Variants in CCDC7 observed in about 807,000 individuals in gnomAD.
CCDC7 encodes coiled-coil domain-containing protein 7.
A neutral mutation model predicts 196.9 loss-of-function variants in CCDC7; 183 were observed. The ratio of observed to expected loss-of-function variants is 0.93; its 90% CI spans 0.82 to 1.05. The LOEUF is 1.05. Among genes scored for constraint, CCDC7 ranks in the 50% least tolerant of loss-of-function variants. The pLI is 0.00. For missense variants in CCDC7, 1,540 were observed against 1,482.2 expected (o/e 1.04, Z -0.64); for synonymous variants, 525 against 484.6 (o/e 1.08, Z -1.10).
intron 30 of CCDC7, among the ~76,000 whole-genome samples, chr10:32,809,609 C>T (rs2086629976): frequency 6.6e-6 from 1 of 152,094 alleles, no homozygotes; most frequent in Admixed American, 6.5e-5. Flanking sequence ...TTTATGCAGC[C>T]AACAGACACA....
At chr10:32,491,279 A>C (rs184966328) in intron 8 of CCDC7, among the ~76,000 whole-genome samples, 1 of 152,166 alleles carries the variant, frequency 6.6e-6, no homozygotes, top group Admixed American at 6.5e-5. Context: ...TGTCTTGTTT[A>C]TCTAGCAGAA....
chr10:32,584,192 A>C lies in CCDC7; in HGVS notation c.1729-40A>C. Reference sequence around the variant, plus strand: ...CCAGTCTTGATATATATATATATGTATATAATTTCTAATTACTTATTACAA... The same window carrying C: ...CCAGTCTTGATATATATATATATGTCTATAATTTCTAATTACTTATTACAA... On this transcript the variant is annotated intron_variant, in intron 17 of 41. Transcript: ENST00000639629. The C allele has an allele frequency of 3.6e-6, 4 of 1,101,834 alleles. No homozygotes were observed. The South Asian group carries it at 6.7e-5, about 19-fold the overall frequency. The allele number at this position is 1,101,834 out of a possible 1,614,324, so 68.3% of individuals were successfully genotyped here.
intron 28 of CCDC7, among the ~76,000 whole-genome samples, chr10:32,743,703 G>A (rs537231290): frequency 1.3e-5 from 2 of 151,866 alleles, no homozygotes; most frequent in African/African-American, 2.4e-5. Flanking sequence ...TGTTTATTGC[G>A]GCACTATTCA....
At chr10:32,876,039 A>G (rs1280416274) in intron 41 of CCDC7, among the ~76,000 whole-genome samples, 1 of 151,964 alleles carries the variant, frequency 6.6e-6, no homozygotes, top group Non-Finnish European at 1.5e-5. Flanking sequence ...TTAGGCCGCA[A>G]CCCCAGAACT....
chr10:32,736,282 T>C (rs2084853921), intron 28 of CCDC7, among the ~76,000 whole-genome samples: 1 of 151,946 alleles, frequency 6.6e-6, no homozygotes, highest in Non-Finnish European at 1.5e-5. Flanking sequence ...AGACTTCCTA[T>C]TCTTTAACAT....
chr10:32,447,638 AGGCGT>A (rs2031721018), upstream of CCDC7, among the ~76,000 whole-genome samples: 1 of 152,214 alleles, frequency 6.6e-6, no homozygotes, highest in Non-Finnish European at 1.5e-5. Context: ...ACAGTGGCTC[AGGCGT>A]GTAATCCCAG....
chr10:32,732,281 G>T (rs1424627265), intron 28 of CCDC7, among the ~76,000 whole-genome samples: 1 of 152,102 alleles, frequency 6.6e-6, no homozygotes, highest in Non-Finnish European at 1.5e-5. Context: ...AGAAAAGTGA[G>T]ACTTCAAAGT....
chr10:32,563,860 G>A (rs564033142), intron 13 of CCDC7, among the ~76,000 whole-genome samples: 8,023 of 151,730 alleles, frequency 0.053, 691 homozygotes, highest in African/African-American at 0.18. Context: ...AGAGTGAACA[G>A]GCAACCTACA....
At position 32,689,101 on chromosome 10, in the gene CCDC7, C is replaced by A; in HGVS notation, c.2282C>A (p.Ser761Ter). 6.2e-7 allele frequency: 1 copy of A among 1,608,586 alleles called. No homozygotes were observed. The highest frequency in any genetic ancestry group is 1.1e-5 in the South Asian group (1 of 90,304). Reference sequence around the variant, plus strand: ...AATCTTATACTTAGGCATCAAGACTCAATGTCAAAATCAGAAATGCAAGTG... The same window carrying A: ...AATCTTATACTTAGGCATCAAGACTAAATGTCAAAATCAGAAATGCAAGTG... Residue 761 changes from serine to a stop codon, truncating the protein, a stop_gained, in exon 23 of 42, where the codon TCA becomes TAA. Coordinates refer to ENST00000639629, the Ensembl canonical transcript of CCDC7. LOFTEE classifies it high-confidence loss of function.
chr10:32,785,766 T>C (rs1460695921), intron 29 of CCDC7, among the ~76,000 whole-genome samples: 1 of 152,136 alleles, frequency 6.6e-6, no homozygotes, highest in Non-Finnish European at 1.5e-5. Context: ...AGTGGCATAG[T>C]TCTAAATTTT....
At chr10:32,445,016 G>C (rs2030639085), upstream of CCDC7, among the ~76,000 whole-genome samples, 2 of 152,032 alleles carry the variant, frequency 1.3e-5, 1 homozygote, top group South Asian at 4.1e-4. Flanking sequence ...ATCACGCCCG[G>C]CTAATTTTTG....
At chr10:32,560,855 C>T (rs1057294025) in intron 13 of CCDC7, among the ~76,000 whole-genome samples, 5 of 152,206 alleles carry the variant, frequency 3.3e-5, no homozygotes, top group African/African-American at 1.2e-4. Flanking sequence ...CTAAATGCTC[C>T]AATTAAAAGA....
intron 9 of CCDC7, among the ~76,000 whole-genome samples, chr10:32,503,998 G>T (rs1028694731): frequency 6.6e-6 from 1 of 151,062 alleles, no homozygotes; most frequent in Non-Finnish European, 1.5e-5. Context: ...GGTTATTTGG[G>T]CCTTCTCTCT....
At chr10:32,855,204 G>GTT (rs34544892) in intron 41 of CCDC7, among the ~76,000 whole-genome samples, 2 of 146,640 alleles carry the variant, frequency 1.4e-5, no homozygotes. Context: ...AAAAATGTAA[G>GTT]TTTTTTTTTT....
chr10:32,545,627 A>C (rs1377480386), intron 13 of CCDC7, among the ~76,000 whole-genome samples: 1 of 152,172 alleles, frequency 6.6e-6, no homozygotes, highest in African/African-American at 2.4e-5. Context: ...ATGTCTGGGC[A>C]GGATGCGGTG....
intron 21 of CCDC7, among the ~76,000 whole-genome samples, chr10:32,674,043 CT>C (rs1400989177): frequency 1.3e-5 from 2 of 151,398 alleles, no homozygotes; most frequent in Admixed American, 1.3e-4. Flanking sequence ...TTTTCTTTAT[CT>C]TTTCAAAAAC....
Position 32,635,454 on chromosome 10 carries a change from TC to T in CCDC7, c.2014+298del, listed in dbSNP as rs2065476992. Among the ~76,000 whole-genome samples the T allele has an allele frequency of 2.0e-5, 3 of 152,294 alleles. No homozygotes were observed. The South Asian group carries it at 6.2e-4, about 32-fold the overall frequency. On this transcript the variant is annotated intron_variant, in intron 20 of 41. Transcript: ENST00000639629. ...ATCTTACTGGAAGAAATAAACTTTT[TC>T]CTAATGAAGGGACCTGCTTTATCAT...
At chr10:32,495,939 A>T (rs1274918796) in intron 9 of CCDC7, among the ~76,000 whole-genome samples, 1 of 152,046 alleles carries the variant, frequency 6.6e-6, no homozygotes, top group Admixed American at 6.6e-5. Context: ...GAAAGTCAAT[A>T]GTAGCTTGAT....
chr10:32,507,174 G>T (rs2045325863), intron 9 of CCDC7, among the ~76,000 whole-genome samples: 1 of 151,994 alleles, frequency 6.6e-6, no homozygotes. Flanking sequence ...TGTATTTTTA[G>T]TAGAGACGGG....
Sources: allele counts gnomAD v4.1 joint callset (sites outside exome capture counted in the v4.1 genomes callset), GRCh38; gene constraint gnomAD v4.1.1; transcripts MANE v1.5; gene names NCBI Gene and HGNC (gene_info 2026-07-23, HGNC 2026-07-21).